Variants in TEAD1 observed in about 807,000 individuals in gnomAD.
TEAD1 encodes the protein transcriptional enhancer factor TEF-1.
TEAD1 carries 9 observed loss-of-function variants against 54.9 expected under a neutral mutation model. That is an observed-to-expected ratio of 0.16 (90% CI 0.10 to 0.29). The LOEUF is 0.29. TEAD1 is among the 10% of genes least tolerant of loss of function. The pLI is 1.00. For missense variants in TEAD1, 387 were observed against 535.9 expected (o/e 0.72, Z 2.74); for synonymous variants, 200 against 187.8 (o/e 1.07, Z -0.53).
chr11:12,856,494 G>A (rs1340423219), intron 3 of TEAD1, among the ~76,000 whole-genome samples: 3 of 152,100 alleles, frequency 2.0e-5, no homozygotes, highest in African/African-American at 7.2e-5. Context: ...GCAGAAATGG[G>A]CAAGGACAGT....
intron 3 of TEAD1, among the ~76,000 whole-genome samples, chr11:12,783,192 CTT>C (rs3046326): frequency 6.0e-4 from 60 of 99,522 alleles, no homozygotes; most frequent in Non-Finnish European, 8.6e-4. Flanking sequence ...GTTTTTGTGC[CTT>C]TTTTTTTTTT....
At chr11:12,891,014 C>T (rs993771187) in intron 9 of TEAD1, among the ~76,000 whole-genome samples, 1 of 152,214 alleles carries the variant, frequency 6.6e-6, no homozygotes, top group Non-Finnish European at 1.5e-5. Context: ...ATTTGCCTGC[C>T]TCAGCCTCCC....
intron 9 of TEAD1, among the ~76,000 whole-genome samples, chr11:12,888,230 T>C (rs1948130115): frequency 6.6e-6 from 1 of 152,184 alleles, no homozygotes; most frequent in Non-Finnish European, 1.5e-5. Context: ...GATTGCTGGC[T>C]GGGTGTGATG....
chr11:12,845,177 C>G (rs1444260516), intron 3 of TEAD1, among the ~76,000 whole-genome samples: 1 of 151,890 alleles, frequency 6.6e-6, no homozygotes, highest in Non-Finnish European at 1.5e-5. Flanking sequence ...CTTGGCCAGG[C>G]TGTTGTTGAA....
chr11:12,785,740 A>G (rs903572697), intron 3 of TEAD1, among the ~76,000 whole-genome samples: 5 of 152,182 alleles, frequency 3.3e-5, no homozygotes, highest in African/African-American at 1.2e-4. Context: ...TAGAAACCTC[A>G]GGGATCTCCC....
chr11:12,850,110 A>G (rs1346461591), intron 3 of TEAD1, among the ~76,000 whole-genome samples: 2 of 152,214 alleles, frequency 1.3e-5, no homozygotes, highest in Non-Finnish European at 2.9e-5. Flanking sequence ...CAACGAAGAC[A>G]TATAAACCTG....
At chr11:12,762,984 C>G (rs1487794675) in intron 2 of TEAD1, among the ~76,000 whole-genome samples, 2 of 152,158 alleles carry the variant, frequency 1.3e-5, no homozygotes, top group East Asian at 1.9e-4. Flanking sequence ...TGAAACCCTC[C>G]CTACTCAGGC....
At chr11:12,879,516 T>G in intron 5 of TEAD1, 192 bp from the exon 6 acceptor site, 1 of 724,184 alleles carries the variant, frequency 1.4e-6, no homozygotes, top group South Asian at 1.5e-5. Context: ...GTCTTCCCAG[T>G]AAATGTTGAG....
intron 3 of TEAD1, among the ~76,000 whole-genome samples, chr11:12,826,459 A>G (rs1273779901): frequency 1.3e-5 from 2 of 152,206 alleles, no homozygotes; most frequent in African/African-American, 4.8e-5. Context: ...TTGTCCTGCA[A>G]ATAAAACAGT....
intron 9 of TEAD1, among the ~76,000 whole-genome samples, chr11:12,891,096 C>T (rs1358477828): frequency 6.6e-6 from 1 of 152,124 alleles, no homozygotes; most frequent in African/African-American, 2.4e-5. Context: ...TTAAACTTTT[C>T]ATAAAGGTAG....
intron 9 of TEAD1, among the ~76,000 whole-genome samples, chr11:12,893,577 G>A (rs561386543): frequency 4.8e-4 from 73 of 152,298 alleles, no homozygotes; most frequent in Middle Eastern, 3.4e-3. Context: ...CGCACCCCAC[G>A]CACCTTCCTG....
intron 2 of TEAD1, among the ~76,000 whole-genome samples, chr11:12,696,066 T>C (rs1171831215): frequency 6.6e-6 from 1 of 152,212 alleles, no homozygotes; most frequent in Non-Finnish European, 1.5e-5. Flanking sequence ...AGACAGTTGC[T>C]TGTTATTTGA....
chr11:12,758,512 G>A (rs1230311408), intron 2 of TEAD1, among the ~76,000 whole-genome samples: 3 of 147,976 alleles, frequency 2.0e-5, no homozygotes, highest in East Asian at 2.0e-4. Context: ...CCAGGTTCAC[G>A]CCATTCTCCC....
chr11:12,934,934 G>A (rs1949072931), intron 12 of TEAD1, among the ~76,000 whole-genome samples: 1 of 152,098 alleles, frequency 6.6e-6, no homozygotes, highest in Non-Finnish European at 1.5e-5. Flanking sequence ...GAAATGCAGA[G>A]TGATGAGGTA....
intron 3 of TEAD1, among the ~76,000 whole-genome samples, chr11:12,857,047 T>A (rs776450652): frequency 2.0e-5 from 3 of 152,166 alleles, no homozygotes; most frequent in Non-Finnish European, 4.4e-5. Context: ...TTAACCAGTC[T>A]TCTATCTGGT....
intron 3 of TEAD1, among the ~76,000 whole-genome samples, chr11:12,797,680 C>T (rs1163987860): frequency 6.6e-6 from 1 of 151,972 alleles, no homozygotes; most frequent in East Asian, 1.9e-4. Flanking sequence ...GCCAATTTTA[C>T]TGTCCTATCT....
chr11:12,695,519 A>G lies in TEAD1; in HGVS notation c.-55+19958A>G, dbSNP rs1943562176. On this transcript the variant is annotated intron_variant, in intron 2 of 12. Coordinates refer to ENST00000527636, the MANE Select transcript of TEAD1 (RefSeq NM_021961.6). ...GAATCTTGAATTGCTTATCGTCTCT[A>G]GACCAAGTTGTTCGGGGCCAGGGAT... 2.0e-5 allele frequency among the ~76,000 whole-genome samples: 3 copies of G among 152,304 alleles called. No homozygotes were observed. The South Asian group carries it at 6.2e-4, about 32-fold the overall frequency.
chr11:12,923,046 C>T (rs190854472), intron 10 of TEAD1: 17 of 151,988 alleles, frequency 1.1e-4, no homozygotes, highest in Admixed American at 9.2e-4. Context: ...TATCATCTCT[C>T]GCTTGGACTG....
intron 2 of TEAD1, among the ~76,000 whole-genome samples, chr11:12,734,826 G>C (rs879623867): frequency 1.3e-5 from 2 of 152,178 alleles, no homozygotes; most frequent in Non-Finnish European, 2.9e-5. Context: ...GATGTACGAT[G>C]ACGAAATTGA....
Sources: gnomAD v4.1 joint callset for allele counts (sites outside exome capture counted in the v4.1 genomes callset) on GRCh38, gnomAD v4.1.1 for gene constraint, MANE v1.5 for transcripts, NCBI Gene and HGNC (gene_info 2026-07-23, HGNC 2026-07-21) for gene names.